Variants in GAP43 observed in about 807,000 individuals in gnomAD.
GAP43 encodes neuromodulin.
A neutral mutation model predicts 18.6 loss-of-function variants in GAP43; 6 were observed. That is an observed-to-expected ratio of 0.32 (90% CI 0.18 to 0.64). The LOEUF (loss-of-function observed/expected upper bound fraction) is 0.64, where lower values mean the gene tolerates loss of function less well. Among genes scored for constraint, GAP43 ranks in the 30% least tolerant of loss-of-function variants. GAP43 has a pLI of 0.78. For missense variants in GAP43, 292 were observed against 295.5 expected (o/e 0.99, Z 0.09); for synonymous variants, 115 against 111.4 (o/e 1.03, Z -0.20).
At chr3:115,654,929 G>C (rs1056987448) in intron 1 of GAP43, among the ~76,000 whole-genome samples, 1 of 152,046 alleles carries the variant, frequency 6.6e-6, no homozygotes, top group Non-Finnish European at 1.5e-5. Context: ...GGAAATTCAC[G>C]GGGGGCATCT....
intron 2 of GAP43, among the ~76,000 whole-genome samples, chr3:115,677,110 C>A (rs1269594563): frequency 6.6e-6 from 1 of 152,130 alleles, no homozygotes. Flanking sequence ...CTCAGACCAC[C>A]CTTCCCTATC....
intron 1 of GAP43, among the ~76,000 whole-genome samples, chr3:115,632,946 T>A (rs1351861265): frequency 6.6e-6 from 1 of 152,100 alleles, no homozygotes; most frequent in Admixed American, 6.6e-5. Context: ...ACTACTTCTA[T>A]TATATATGCG....
At chr3:115,651,249 G>A (rs573517483) in intron 1 of GAP43, among the ~76,000 whole-genome samples, 2 of 152,308 alleles carry the variant, frequency 1.3e-5, no homozygotes, top group African/African-American at 2.4e-5. Context: ...CAGTGGAGGT[G>A]GGGTTCTGCA....
At chr3:115,690,757 C>CTTTTTTTTTT (rs71616327) in intron 2 of GAP43, among the ~76,000 whole-genome samples, 3 of 110,998 alleles carry the variant, frequency 2.7e-5, no homozygotes, top group Non-Finnish European at 3.7e-5. Flanking sequence ...TTCTTTCTTT[C>CTTTTTTTTTT]TTTTTTTTTT....
At chr3:115,629,250 G>T (rs1196959188) in intron 1 of GAP43, among the ~76,000 whole-genome samples, 2 of 152,104 alleles carry the variant, frequency 1.3e-5, no homozygotes, top group Admixed American at 6.6e-5. Context: ...CCACCACATT[G>T]TTCTTTAGTT....
At chr3:115,688,849 A>C (rs1709067244) in intron 2 of GAP43, among the ~76,000 whole-genome samples, 1 of 152,232 alleles carries the variant, frequency 6.6e-6, no homozygotes, top group African/African-American at 2.4e-5. Flanking sequence ...AATGCCCCAC[A>C]AAAAACCTCC....
At chr3:115,635,103 G>A (rs537817840) in intron 1 of GAP43, among the ~76,000 whole-genome samples, 10 of 152,092 alleles carry the variant, frequency 6.6e-5, no homozygotes, top group Admixed American at 1.3e-4. Context: ...CTATTCAAAC[G>A]TCATTTTTTT....
chr3:115,660,436 G>A (rs1230099717), intron 1 of GAP43, among the ~76,000 whole-genome samples: 1 of 152,192 alleles, frequency 6.6e-6, no homozygotes, highest in Admixed American at 6.5e-5. Context: ...CACTTTGAAT[G>A]TTTGTCTTAA....
chr3:115,681,749 T>C (rs1297914232), intron 2 of GAP43, among the ~76,000 whole-genome samples: 1 of 152,242 alleles, frequency 6.6e-6, no homozygotes, highest in East Asian at 1.9e-4. Context: ...GAGTGCTATG[T>C]GGGGATTGTT....
rs910743029 is a variant in GAP43, at chr3:115,721,454, C to T, written c.*572C>T. 2 of 152,156 alleles carry T rather than the reference C, an allele frequency of 1.3e-5. No homozygotes were observed. Among genetic ancestry groups the T allele is most frequent in the East Asian group, 1.9e-4 (1 of 5,196 alleles). 9.4% of individuals were successfully genotyped at this position (152,156 alleles called of 1,614,324 possible). Reference sequence around the variant, plus strand: ...CGGCTCTAAGGCTCCTTTTTCAACCCGAATATTAATAAATCATGAGAGTAA... The same window carrying T: ...CGGCTCTAAGGCTCCTTTTTCAACCTGAATATTAATAAATCATGAGAGTAA... On this transcript the variant is annotated 3_prime_UTR_variant, in exon 3 of 3. Transcript: ENST00000305124.
chr3:115,679,155 G>A lies in GAP43; in HGVS notation c.628+2545G>A, dbSNP rs1382505698. On this transcript the variant is annotated intron_variant, in intron 2 of 2. Coordinates refer to ENST00000305124, the MANE Select transcript of GAP43 (RefSeq NM_002045.4). ...TTGCTTTAGGATTCTACAGCTGCCTGGAGGGGCGTGGACAGACAATCTAAG... is the reference window on the plus strand; with the variant it reads ...TTGCTTTAGGATTCTACAGCTGCCTAGAGGGGCGTGGACAGACAATCTAAG... 2.0e-5 allele frequency among the ~76,000 whole-genome samples: 3 copies of A among 151,996 alleles called. No homozygotes were observed. The East Asian group carries it at 5.8e-4, about 29-fold the overall frequency.
intron 1 of GAP43, 63 bp downstream of exon 1, chr3:115,623,782 T>TAA: frequency 1.3e-6 from 2 of 1,586,168 alleles, no homozygotes; most frequent in Non-Finnish European, 1.7e-6. Flanking sequence ...TATTTCCCCG[T>TAA]AAAGGCAAAC....
intron 1 of GAP43, among the ~76,000 whole-genome samples, chr3:115,659,668 T>G (rs897985171): frequency 6.6e-6 from 1 of 151,852 alleles, no homozygotes; most frequent in Admixed American, 6.6e-5. Context: ...GCAAGCTTCT[T>G]AGGGTCAGAA....
In GAP43 at chr3:115,676,152, A is replaced by G. The variant is rs966472208; in HGVS notation, c.170A>G (p.Asp57Gly). 1 of 1,614,190 alleles carries G rather than the reference A, an allele frequency of 6.2e-7. No individual in the cohort carries two copies. The highest frequency in any genetic ancestry group is 8.5e-7 in the Non-Finnish European group (1 of 1,180,026). ...TRKKLKGEKK[D>G]DVQAAEAEAN... ...AAAAAGCTCAAAGGAGAGAAGAAGG[A>G]TGATGTCCAAGCTGCTGAGGCTGAA... is the stretch of plus-strand genomic sequence containing the variant. Residue 57 changes from aspartate (D) to glycine (G), a missense_variant, in exon 2 of 3, where the codon GAT becomes GGT. Physicochemically the swap from Asp to Gly is moderately conservative, Grantham distance 94. Coordinates refer to ENST00000305124, the MANE Select transcript of GAP43 (RefSeq NM_002045.4).
At chr3:115,635,600 G>A (rs1056433012) in intron 1 of GAP43, among the ~76,000 whole-genome samples, 5 of 151,896 alleles carry the variant, frequency 3.3e-5, no homozygotes, top group African/African-American at 7.2e-5. Context: ...TCATGGGATC[G>A]TTAATGACCA....
Position 115,623,732 on chromosome 3 carries a change from A to T in GAP43, c.30+13A>T, listed in dbSNP as rs541872981. The T allele has an allele frequency of 2.5e-6, 4 of 1,614,006 alleles. No homozygotes were observed. The African/African-American group carries it at 5.3e-5, about 22-fold the overall frequency. ...AAGAACCAAACAGGTAGAGCTAAAG[A>T]TTTTTTACTTCTTGCTGTTGTGAAA... On this transcript the variant is annotated intron_variant, in intron 1 of 2. Transcript: ENST00000305124.
chr3:115,668,317 A>G (rs1708759665), intron 1 of GAP43, among the ~76,000 whole-genome samples: 1 of 152,178 alleles, frequency 6.6e-6, no homozygotes, highest in African/African-American at 2.4e-5. Flanking sequence ...CTAAGGGACT[A>G]GTTATTCCCA....
intron 2 of GAP43, among the ~76,000 whole-genome samples, chr3:115,716,735 T>C (rs1445772929): frequency 2.9e-5 from 3 of 103,744 alleles, no homozygotes; most frequent in African/African-American, 4.5e-5. Flanking sequence ...TATATATATA[T>C]ATATATATAT....
chr3:115,665,212 CT>C (rs1181899318), intron 1 of GAP43, among the ~76,000 whole-genome samples: 1 of 152,178 alleles, frequency 6.6e-6, no homozygotes, highest in East Asian at 1.9e-4. Flanking sequence ...CAAACATGTT[CT>C]TTCCCCTAAT....
Sources: gnomAD v4.1 joint callset for allele counts (sites outside exome capture counted in the v4.1 genomes callset) on GRCh38, gnomAD v4.1.1 for gene constraint, MANE v1.5 for transcripts, NCBI Gene and HGNC (gene_info 2026-07-23, HGNC 2026-07-21) for gene names.